The following TENM2 variants were observed in gnomAD, a reference collection of about 807,000 sequenced individuals.
The protein encoded by TENM2 is teneurin transmembrane protein 2, also known as teneurin-2.
Under a neutral mutation model 245.2 loss-of-function variants are expected in TENM2, and 52 were observed. The ratio of observed to expected loss-of-function variants is 0.21; its 90% confidence interval spans 0.17 to 0.27. The LOEUF is 0.27. Ranked by LOEUF, TENM2 falls within the 10% of genes least tolerant of loss-of-function variation. TENM2 has a pLI of 1.00. For missense variants in TENM2, 3,046 were observed against 3,666.8 expected (o/e 0.83, Z 4.37); for synonymous variants, 1,363 against 1,438.9 (o/e 0.95, Z 1.19).
At chr5:167,768,743 C>A (rs1221655149) in intron 2 of TENM2, among the ~76,000 whole-genome samples, 1 of 152,148 alleles carries the variant, frequency 6.6e-6, no homozygotes, top group South Asian at 2.1e-4. Context: ...TTAGCCATGC[C>A]TTTCTCATGA....
rs546459041 is a variant in TENM2, at chr5:167,926,245, C to T, written c.713-26343C>T. 1.2e-3 allele frequency among the ~76,000 whole-genome samples: 189 copies of T among 152,318 alleles called. 1 individual carries two copies. Among genetic ancestry groups the T allele is most frequent in the Admixed American group, 4.2e-3 (64 of 15,308 alleles). On this transcript the variant is annotated intron_variant, in intron 3 of 28. Coordinates refer to ENST00000518659, the Ensembl canonical transcript of TENM2. ...GAAAATCACCTGTATTCTTCCCACA[C>T]AGAAATACTCCTCTTTATAAATTTT...
At chr5:168,127,639 A>G (rs1328649580) in intron 12 of TENM2, among the ~76,000 whole-genome samples, 1 of 152,208 alleles carries the variant, frequency 6.6e-6, no homozygotes, top group African/African-American at 2.4e-5. Flanking sequence ...GGGTAGGACT[A>G]TACTGGATTA....
intron 2 of TENM2, among the ~76,000 whole-genome samples, chr5:167,429,689 C>T (rs943447995): frequency 2.0e-5 from 3 of 149,678 alleles, no homozygotes; most frequent in African/African-American, 7.4e-5. Flanking sequence ...TCAGTGCAAC[C>T]TCCGCCTCCC....
intron 4 of TENM2, among the ~76,000 whole-genome samples, chr5:167,990,224 T>A (rs1037927803): frequency 2.0e-5 from 3 of 152,220 alleles, no homozygotes; most frequent in African/African-American, 7.2e-5. Context: ...AGCGTTGTTA[T>A]AAGGCAGCAG....
At chr5:166,995,093 A>G in the TENM2 span, among the ~76,000 whole-genome samples, 2 of 151,360 alleles carry the variant, frequency 1.3e-5, no homozygotes, top group East Asian at 3.9e-4. Flanking sequence ...AGGTTGCTAT[A>G]TTTCACATGG....
At chr5:168,009,366 T>G (rs1031748621) in intron 5 of TENM2, among the ~76,000 whole-genome samples, 2 of 152,222 alleles carry the variant, frequency 1.3e-5, no homozygotes, top group Non-Finnish European at 2.9e-5. Context: ...AGGTTTAAAC[T>G]CTAATGCATC....
At chr5:167,042,745 TG>T in the TENM2 span, among the ~76,000 whole-genome samples, 1 of 152,244 alleles carries the variant, frequency 6.6e-6, no homozygotes, top group Non-Finnish European at 1.5e-5. Context: ...GGAAGCAATT[TG>T]TTATGCCTTT....
At chr5:167,711,735 T>A (rs1758925701) in intron 2 of TENM2, among the ~76,000 whole-genome samples, 1 of 152,168 alleles carries the variant, frequency 6.6e-6, no homozygotes, top group Non-Finnish European at 1.5e-5. Flanking sequence ...CTCATCTCCT[T>A]AGACCCAACC....
chr5:167,480,702 G>T (rs1767705269), intron 2 of TENM2, among the ~76,000 whole-genome samples: 1 of 152,098 alleles, frequency 6.6e-6, no homozygotes, highest in African/African-American at 2.4e-5. Flanking sequence ...ACACTTTTCA[G>T]CTTCTTTAAG....
intron 2 of TENM2, among the ~76,000 whole-genome samples, chr5:167,572,821 T>C (rs1774365110): frequency 6.6e-6 from 1 of 152,224 alleles, no homozygotes; most frequent in Admixed American, 6.5e-5. Context: ...AGTAAAAGTC[T>C]GTAGCAATAG....
chr5:167,484,191 A>C (rs1471178343), intron 2 of TENM2, among the ~76,000 whole-genome samples: 2 of 152,154 alleles, frequency 1.3e-5, no homozygotes, highest in Non-Finnish European at 2.9e-5. Flanking sequence ...CTAAAAATAC[A>C]AAAATTAGCA....
chr5:167,995,903 A>T (rs931117866), intron 5 of TENM2, among the ~76,000 whole-genome samples: 2 of 152,146 alleles, frequency 1.3e-5, no homozygotes, highest in East Asian at 3.9e-4. Flanking sequence ...CAGAAAGACA[A>T]CATGAAAACC....
chr5:168,148,916 TAGATTGATA>T (rs1465318019), intron 12 of TENM2, among the ~76,000 whole-genome samples: 5,712 of 144,238 alleles, frequency 0.04, 239 homozygotes, highest in Admixed American at 0.12. Flanking sequence ...GATAGATAGA[TAGATTGATA>T]GATAGCACAA....
chr5:167,055,639 A>G, the TENM2 span, among the ~76,000 whole-genome samples: 11 of 152,200 alleles, frequency 7.2e-5, no homozygotes, highest in Admixed American at 3.9e-4. Flanking sequence ...TGTCATATTT[A>G]TAACATAAGT....
intron 2 of TENM2, among the ~76,000 whole-genome samples, chr5:167,377,631 A>G (rs1194717942): frequency 6.6e-6 from 1 of 152,210 alleles, no homozygotes; most frequent in Admixed American, 6.5e-5. Context: ...CTCTTTAAGC[A>G]AATACAAATT....
intron 2 of TENM2, among the ~76,000 whole-genome samples, chr5:167,810,057 T>C (rs1766519046): frequency 6.6e-6 from 1 of 152,122 alleles, no homozygotes; most frequent in African/African-American, 2.4e-5. Context: ...TATTAGTCCC[T>C]CTTATTAAGG....
intron 1 of TENM2, among the ~76,000 whole-genome samples, chr5:167,315,002 G>C (rs1014120255): frequency 6.6e-6 from 1 of 151,734 alleles, no homozygotes; most frequent in African/African-American, 2.4e-5. Context: ...ACCATTAATT[G>C]AGTTGATATG....
chr5:168,195,072 T>C (rs775863190), intron 14 of TENM2, 104 bp from the exon 17 acceptor site: 33 of 1,362,434 alleles, frequency 2.4e-5, no homozygotes, highest in Non-Finnish European at 3.2e-5. Context: ...GAAAGCCTTC[T>C]CCTTGCCTGA....
the TENM2 span, among the ~76,000 whole-genome samples, chr5:167,183,585 A>C: frequency 6.6e-6 from 1 of 152,094 alleles, no homozygotes; most frequent in Non-Finnish European, 1.5e-5. Flanking sequence ...TTGTTTACCA[A>C]CCCAGCTGTT....
Sources: gnomAD v4.1 joint callset for allele counts (sites outside exome capture counted in the v4.1 genomes callset) on GRCh38, gnomAD v4.1.1 for gene constraint, MANE v1.5 for transcripts, NCBI Gene and HGNC (gene_info 2026-07-23, HGNC 2026-07-21) for gene names.